CNTNAP2: variants seen among roughly 807,000 people sequenced by gnomAD.
CNTNAP2 encodes contactin associated protein 2.
CNTNAP2 carries 98 observed loss-of-function variants against 155.2 expected under a neutral mutation model. That is an observed-to-expected ratio of 0.63 (90% CI 0.54 to 0.75). The LOEUF (loss-of-function observed/expected upper bound fraction) is 0.75, where lower values mean the gene tolerates loss of function less well. CNTNAP2 is among the 30% of genes least tolerant of loss of function. The probability of loss-of-function intolerance (pLI) is 0.00; values close to 1 mark genes in which losing one functional copy is unlikely to be tolerated. For missense variants in CNTNAP2, 1,727 were observed against 1,688.1 expected (o/e 1.02, Z -0.40); for synonymous variants, 651 against 631.2 (o/e 1.03, Z -0.47).
intron 1 of CNTNAP2, among the ~76,000 whole-genome samples, chr7:146,603,605 G>T (rs554948121): frequency 6.6e-6 from 1 of 150,468 alleles, no homozygotes; most frequent in Admixed American, 6.6e-5. Flanking sequence ...AAAAGAGCCC[G>T]CATTGCCAAG....
At chr7:146,332,941 A>ATTTTTTT (rs4016094) in intron 1 of CNTNAP2, among the ~76,000 whole-genome samples, 6 of 102,460 alleles carry the variant, frequency 5.9e-5, no homozygotes, top group South Asian at 3.1e-4. Flanking sequence ...TTCTTCTTCT[A>ATTTTTTT]TTTTTTTTTT....
chr7:146,709,560 C>G (rs922752583), intron 1 of CNTNAP2, among the ~76,000 whole-genome samples: 3 of 152,100 alleles, frequency 2.0e-5, no homozygotes, highest in African/African-American at 7.2e-5. Flanking sequence ...ATATGATTGT[C>G]CGGAGAACCC....
rs540060669 is a variant in CNTNAP2 at position 147,861,351 on chromosome 7, C to A, written c.2099-42214C>A. Reference sequence around the variant, plus strand: ...AATAGAGCTGTAGAGATAAATAAGACCTAGCCCATGCTTATAAATGCCTCA... The same window carrying A: ...AATAGAGCTGTAGAGATAAATAAGAACTAGCCCATGCTTATAAATGCCTCA... On this transcript the variant is annotated intron_variant, in intron 13 of 23. Coordinates refer to ENST00000361727, the MANE Select transcript of CNTNAP2 (RefSeq NM_014141.6). 4.0e-5 allele frequency among the ~76,000 whole-genome samples: 6 copies of A among 150,412 alleles called. No homozygotes were observed. The South Asian group carries it at 6.5e-4, about 16-fold the overall frequency.
intron 13 of CNTNAP2, among the ~76,000 whole-genome samples, chr7:147,807,861 A>T (rs1798116765): frequency 6.6e-6 from 1 of 152,134 alleles, no homozygotes; most frequent in Non-Finnish European, 1.5e-5. Flanking sequence ...TGAATAAAAG[A>T]TAGTTTGGGT....
intron 15 of CNTNAP2, among the ~76,000 whole-genome samples, chr7:148,099,866 TGG>T (rs371951897): frequency 8.4e-4 from 104 of 124,528 alleles, no homozygotes; most frequent in African/African-American, 3.3e-3. Flanking sequence ...TTTTTTTTTT[TGG>T]TTTTTTTTTT....
At position 147,690,477 on chromosome 7, in the gene CNTNAP2, A is replaced by C. The variant is rs1049224146; in HGVS notation, c.2098+51171A>C. ...ATGACTATATCTCAGACATTGTACC[A>C]GGCATTTACGATGATGGTGACCACA... On this transcript the variant is annotated intron_variant, in intron 13 of 23. Coordinates refer to ENST00000361727, the MANE Select transcript of CNTNAP2 (RefSeq NM_014141.6). Among the ~76,000 whole-genome samples the C allele has an allele frequency of 1.1e-4, 17 of 152,290 alleles. No homozygotes were observed. The East Asian group carries it at 3.1e-3, about 28-fold the overall frequency.
chr7:146,461,711 G>A (rs1490383299), intron 1 of CNTNAP2, among the ~76,000 whole-genome samples: 1 of 152,110 alleles, frequency 6.6e-6, no homozygotes, highest in Non-Finnish European at 1.5e-5. Flanking sequence ...TAAAGAATAT[G>A]TGAAAAATAG....
chr7:148,092,559 T>C (rs1803866106), intron 15 of CNTNAP2, among the ~76,000 whole-genome samples: 1 of 152,184 alleles, frequency 6.6e-6, no homozygotes, highest in Admixed American at 6.5e-5. Context: ...TGCTGGGGGT[T>C]AGAGGCTTCA....
At chr7:147,450,282 G>A (rs1797809001) in intron 10 of CNTNAP2, among the ~76,000 whole-genome samples, 1 of 152,168 alleles carries the variant, frequency 6.6e-6, no homozygotes, top group Non-Finnish European at 1.5e-5. Flanking sequence ...GCAATATGAG[G>A]AGCCTCTAGG....
Position 146,441,506 on chromosome 7 carries a change from A to G in CNTNAP2, c.97+324533A>G, listed in dbSNP as rs536097401. The stretch of plus-strand genomic sequence containing the variant: ...AGTGGCCCTCTCTGCTGCTGATTAC[A>G]TGCATGGCCATGGAGATCATTCTCT... On this transcript the variant is annotated intron_variant, in intron 1 of 23. Transcript: ENST00000361727. Among the ~76,000 whole-genome samples the G allele has an allele frequency of 3.8e-4, 57 of 151,480 alleles. 3 individuals are homozygous for G. Among genetic ancestry groups the G allele is most frequent in the African/African-American group, 1.3e-3 (55 of 40,830 alleles).
chr7:146,294,320 T>A (rs11978575), intron 1 of CNTNAP2, among the ~76,000 whole-genome samples: 10,656 of 152,196 alleles, frequency 0.07, 1,057 homozygotes, highest in African/African-American at 0.22. Flanking sequence ...CCAGCCGGAC[T>A]GCGCAAAGGA....
chr7:146,209,405 T>A (rs1451796466), intron 1 of CNTNAP2, among the ~76,000 whole-genome samples: 3 of 152,206 alleles, frequency 2.0e-5, no homozygotes, highest in Non-Finnish European at 4.4e-5. Context: ...GCTATCATTT[T>A]GAACTCAACT....
intron 2 of CNTNAP2, among the ~76,000 whole-genome samples, chr7:146,812,698 A>G (rs1193603251): frequency 6.6e-6 from 1 of 152,160 alleles, no homozygotes; most frequent in Non-Finnish European, 1.5e-5. Context: ...TTGCATAAGT[A>G]ACATGGAGCC....
chr7:147,714,465 A>T (rs1463357452), intron 13 of CNTNAP2, among the ~76,000 whole-genome samples: 1 of 151,974 alleles, frequency 6.6e-6, no homozygotes, highest in East Asian at 1.9e-4. Context: ...TTTTGTTCAA[A>T]AAAAAAAGAC....
At chr7:146,614,426 A>G (rs1041147238) in intron 1 of CNTNAP2, among the ~76,000 whole-genome samples, 1 of 152,212 alleles carries the variant, frequency 6.6e-6, no homozygotes, top group Admixed American at 6.5e-5. Flanking sequence ...AACCTGGCAT[A>G]TAACATGTGT....
At chr7:147,025,177 T>G (rs373026647) in intron 3 of CNTNAP2, among the ~76,000 whole-genome samples, 1 of 147,160 alleles carries the variant, frequency 6.8e-6, no homozygotes, top group African/African-American at 2.5e-5. Context: ...TCTCAGCTAC[T>G]CCAGAGGCTG....
intron 21 of CNTNAP2, among the ~76,000 whole-genome samples, chr7:148,305,336 G>A (rs143015958): frequency 1.4e-5 from 2 of 147,776 alleles, no homozygotes; most frequent in African/African-American, 5.0e-5. Flanking sequence ...AACTAATTAT[G>A]AATTGAAACT....
At chr7:147,729,228 A>C (rs1200137540) in intron 13 of CNTNAP2, among the ~76,000 whole-genome samples, 2 of 151,594 alleles carry the variant, frequency 1.3e-5, no homozygotes, top group East Asian at 1.9e-4. Flanking sequence ...AAGCCACTGC[A>C]CCCGGGAGGA....
At chr7:147,201,104 A>G (rs1379728918) in intron 8 of CNTNAP2, among the ~76,000 whole-genome samples, 1 of 152,210 alleles carries the variant, frequency 6.6e-6, no homozygotes. Context: ...GATTTCAGTC[A>G]TCGGCCAGGA....
Sources: gnomAD v4.1 joint callset for allele counts (sites outside exome capture counted in the v4.1 genomes callset) on GRCh38, gnomAD v4.1.1 for gene constraint, MANE v1.5 for transcripts, NCBI Gene and HGNC (gene_info 2026-07-23, HGNC 2026-07-21) for gene names.